The following COX10 variants were observed in gnomAD, a reference collection of about 807,000 sequenced individuals.
COX10 encodes the protein cytochrome c oxidase assembly factor heme A:farnesyltransferase COX10.
Under a neutral mutation model 37.3 loss-of-function variants are expected in COX10, and 27 were observed. That is an observed-to-expected ratio of 0.72 (90% CI 0.53 to 1.00). The LOEUF (loss-of-function observed/expected upper bound fraction) is 1.00, where lower values mean the gene tolerates loss of function less well. Ranked by LOEUF, COX10 falls within the 50% of genes least tolerant of loss-of-function variation. The probability of loss-of-function intolerance (pLI) is 0.00; values close to 1 mark genes in which losing one functional copy is unlikely to be tolerated. For synonymous variants in COX10, 222 were observed against 229.1 expected, an observed-to-expected ratio of 0.97 and a Z score of 0.28; for missense variants, 475 against 563.2, an observed-to-expected ratio of 0.84 and a Z score of 1.59.
chr17:14,081,112 G>A (rs575635776), intron 3 of COX10, among the ~76,000 whole-genome samples: 1 of 152,294 alleles, frequency 6.6e-6, no homozygotes, highest in South Asian at 2.1e-4. Context: ...CTTGTTCTGA[G>A]CATATATCAT....
chr17:14,139,172 AG>A (rs1406909807), intron 4 of COX10, among the ~76,000 whole-genome samples: 2 of 152,214 alleles, frequency 1.3e-5, no homozygotes, highest in East Asian at 3.8e-4. Flanking sequence ...TTTTATAAAA[AG>A]TAAGTTGGTG....
rs185451865 is a variant in COX10 at position 14,106,529 on chromosome 17, A to G, written c.624+4287A>G. Among the ~76,000 whole-genome samples, 3 of 152,326 alleles carry G rather than the reference A, an allele frequency of 2.0e-5. No individual in the cohort carries two copies. The East Asian group carries it at 5.8e-4, about 29-fold the overall frequency. ...GTCAAGAGATTATGAAGTTTTCAAAATAAAAAGTTAAAATTAAGAAAAACT... is the reference window on the plus strand; with the variant it reads ...GTCAAGAGATTATGAAGTTTTCAAAGTAAAAAGTTAAAATTAAGAAAAACT... On this transcript the variant is annotated intron_variant, in intron 4 of 6. Transcript: ENST00000261643.
At chr17:14,079,739 A>G (rs773012863) in intron 3 of COX10, among the ~76,000 whole-genome samples, 31 of 152,148 alleles carry the variant, frequency 2.0e-4, no homozygotes, top group Non-Finnish European at 3.7e-4. Flanking sequence ...CTTTCCCACC[A>G]TTCTAGATAA....
intron 4 of COX10, among the ~76,000 whole-genome samples, chr17:14,131,929 A>G (rs1452877008): frequency 2.0e-5 from 3 of 152,052 alleles, no homozygotes; most frequent in South Asian, 2.1e-4. Context: ...ATTAAATTAT[A>G]AAGTGATGCA....
chr17:14,082,242 G>T (rs1484879093), intron 3 of COX10, among the ~76,000 whole-genome samples: 1 of 152,156 alleles, frequency 6.6e-6, no homozygotes, highest in East Asian at 1.9e-4. Context: ...GACCGGAAAA[G>T]ACCCTGTCAC....
In COX10 at chr17:14,206,087, G is replaced by A. The variant is rs776271533; in HGVS notation, c.929-723G>A. ...GCTTGTGCCATTGTGCCAGGCTCTGGGGGATGGTGAGAGGAATGTGGCAGG... is the reference window on the plus strand; with the variant it reads ...GCTTGTGCCATTGTGCCAGGCTCTGAGGGATGGTGAGAGGAATGTGGCAGG... On this transcript the variant is annotated intron_variant, in intron 6 of 6. Coordinates refer to ENST00000261643, the MANE Select transcript of COX10 (RefSeq NM_001303.4). Among the ~76,000 whole-genome samples the A allele has an allele frequency of 6.0e-4, 92 of 152,272 alleles. 2 individuals carry two copies. The highest frequency in any genetic ancestry group is 3.4e-3 in the Middle Eastern group (1 of 294).
chr17:14,154,241 C>A lies in COX10; in HGVS notation c.625-5636C>A, dbSNP rs149143315. ...GGGTAAATACATAAGTTGAAACTTA[C>A]CAAAGTAAATAGTTTAACTATGTGT... On this transcript the variant is annotated intron_variant, in intron 4 of 6. Transcript: ENST00000261643. 7.7e-3 allele frequency among the ~76,000 whole-genome samples: 1,170 copies of A among 152,138 alleles called. 10 individuals carry two copies. Among genetic ancestry groups the A allele is most frequent in the Middle Eastern group, 0.017 (5 of 294 alleles).
intron 4 of COX10, among the ~76,000 whole-genome samples, chr17:14,156,661 C>G (rs559063976): frequency 6.6e-6 from 1 of 152,330 alleles, no homozygotes; most frequent in South Asian, 2.1e-4. Context: ...TGTGCTTCTT[C>G]TGTGTCTGGA....
intron 3 of COX10, among the ~76,000 whole-genome samples, chr17:14,083,948 T>C (rs960663530): frequency 3.3e-5 from 5 of 152,182 alleles, no homozygotes; most frequent in Admixed American, 6.5e-5. Context: ...CAACACGTTT[T>C]TTGAGACCAG....
chr17:14,205,528 G>A (rs1285647461), intron 6 of COX10, among the ~76,000 whole-genome samples: 1 of 152,192 alleles, frequency 6.6e-6, no homozygotes, highest in Non-Finnish European at 1.5e-5. Context: ...ATTGTTGCTC[G>A]CCATGGTATC....
Position 14,207,196 on chromosome 17 carries a change from G to T in COX10, c.1315G>T (p.Gly439Trp). 1 of 1,597,678 alleles carries T rather than the reference G, an allele frequency of 6.3e-7. No individual in the cohort carries two copies. The highest frequency in any genetic ancestry group is 1.1e-5 in the South Asian group (1 of 90,266). The change falls in exon 7 of 7, where the codon GGG becomes TGG. Residue 439 changes from glycine to tryptophan, a missense_variant. By Grantham distance (184) the Gly-to-Trp change is radical. Around this residue, in one of 5 missense-constraint regions of COX10, gnomAD observed 160 missense variants for 180.6 expected, o/e 0.89. Transcript: ENST00000261643. ...GCGGCCGAGCGGAGGCGGGGACGCA[G>T]GGCCCCCTCCCAGCTGAGAGCACTG... is the stretch of plus-strand genomic sequence containing the variant. ...CKRPSGGGDA[G>W]PPPS is the part of the protein sequence containing the mutation.
chr17:14,133,446 G>A (rs1428605721), intron 4 of COX10, among the ~76,000 whole-genome samples: 2 of 151,516 alleles, frequency 1.3e-5, no homozygotes, highest in African/African-American at 4.8e-5. Flanking sequence ...AGAGTTTCTT[G>A]TTAAAAGTAA....
At chr17:14,083,331 A>G (rs930026930) in intron 3 of COX10, among the ~76,000 whole-genome samples, 1 of 152,162 alleles carries the variant, frequency 6.6e-6, no homozygotes, top group Non-Finnish European at 1.5e-5. Flanking sequence ...TTGAAGTCAC[A>G]TGTGTTTTGG....
At chr17:14,165,142 A>G (rs566426511) in intron 5 of COX10, among the ~76,000 whole-genome samples, 1 of 152,374 alleles carries the variant, frequency 6.6e-6, no homozygotes, top group African/African-American at 2.4e-5. Context: ...TAGAAGAGAA[A>G]AACATATAAA....
At chr17:14,143,667 G>C (rs1370383066) in intron 4 of COX10, among the ~76,000 whole-genome samples, 1 of 152,104 alleles carries the variant, frequency 6.6e-6, no homozygotes, top group Admixed American at 6.6e-5. Flanking sequence ...AATCTTAGAG[G>C]AAACGTGTAA....
Position 14,207,681 on chromosome 17 carries a change from C to T in COX10, c.*468C>T, listed in dbSNP as rs918660319. On this transcript the variant is annotated 3_prime_UTR_variant, in exon 7 of 7. Transcript: ENST00000261643. ...TCAAAGGCCTCGGAGCACCCCCTTC[C>T]TGGTGACTGAGCCAGGGCCTGCATT... 6.4e-6 allele frequency: 1 copy of T among 156,204 alleles called. No homozygotes were observed. Among genetic ancestry groups the T allele is most frequent in the African/African-American group, 2.4e-5 (1 of 41,484 alleles). 9.7% of individuals were successfully genotyped at this position (156,204 alleles called of 1,614,324 possible).
intron 4 of COX10, among the ~76,000 whole-genome samples, chr17:14,145,706 A>G (rs1904691928): frequency 1.3e-5 from 2 of 152,104 alleles, no homozygotes; most frequent in African/African-American, 4.8e-5. Context: ...ACATGATAAG[A>G]TTTGCATCTG....
chr17:14,073,085 T>C (rs1285608287), intron 1 of COX10, among the ~76,000 whole-genome samples: 1 of 152,140 alleles, frequency 6.6e-6, no homozygotes, highest in African/African-American at 2.4e-5. Flanking sequence ...TCATGGGCGA[T>C]GTTGCTTTGG....
chr17:14,118,239 G>T (rs1019054224), intron 4 of COX10, among the ~76,000 whole-genome samples: 4 of 151,990 alleles, frequency 2.6e-5, no homozygotes, highest in African/African-American at 9.7e-5. Flanking sequence ...TAGGTCCATG[G>T]ACACAGGCCT....
Sources: allele counts gnomAD v4.1 joint callset (sites outside exome capture counted in the v4.1 genomes callset), GRCh38; gene constraint gnomAD v4.1.1; regional missense constraint gnomAD v4.1.1; transcripts MANE v1.5; gene names NCBI Gene and HGNC (gene_info 2026-07-23, HGNC 2026-07-21).